Variants in RXFP2 observed in about 807,000 individuals in gnomAD.
RXFP2 encodes relaxin receptor 2.
Under a neutral mutation model 88.6 loss-of-function variants are expected in RXFP2, and 68 were observed. That is an observed-to-expected ratio of 0.77 (90% CI 0.63 to 0.94). The LOEUF is 0.94. RXFP2 is among the 40% of genes least tolerant of loss of function. The pLI is 0.00. For missense variants in RXFP2, 791 were observed against 893.9 expected, an observed-to-expected ratio of 0.88 and a Z score of 1.47; for synonymous variants, 329 against 306.8, an observed-to-expected ratio of 1.07 and a Z score of -0.76.
chr13:31,771,610 G>A (rs758177220), intron 5 of RXFP2, among the ~76,000 whole-genome samples: 7 of 151,860 alleles, frequency 4.6e-5, no homozygotes, highest in South Asian at 2.1e-4. Context: ...GGCCAACATC[G>A]TGAATGTCTC....
Position 31,803,008 on chromosome 13 carries a change from T to C in RXFP2, c.*603T>C, listed in dbSNP as rs1874429189. 1 of 152,748 alleles carries C rather than the reference T, an allele frequency of 6.5e-6. No individual in the cohort carries two copies. The highest frequency in any genetic ancestry group is 1.5e-5 in the Non-Finnish European group (1 of 68,438). 9.5% of individuals were successfully genotyped at this position (152,748 alleles called of 1,614,324 possible). On this transcript the variant is annotated 3_prime_UTR_variant, in exon 18 of 18. Transcript: ENST00000298386. ...ACCAGAGAGTCACACTGATGAAGCC[T>C]CATACCATTTGCCTTTTGGATTTTA...
rs566589515 is a variant in RXFP2, at chr13:31,792,682, T to C, written c.1380T>C (p.Ala460=). 8 of 1,614,106 alleles carry C rather than the reference T, an allele frequency of 5.0e-6. No homozygotes were observed. The Admixed American group carries it at 5.0e-5, about 10-fold the overall frequency. ...HAMSIKILCC[A]DCLMGVYLFF... Reference sequence around the variant, plus strand: ...ACTGTTTCAATTCTTCCACAGGTGCTGATTGCCTGATGGGTGTTTACTTGT... The same window carrying C: ...ACTGTTTCAATTCTTCCACAGGTGCCGATTGCCTGATGGGTGTTTACTTGT... Residue 460 remains alanine (A), a synonymous_variant, in exon 16 of 18, where the codon GCT becomes GCC. Transcript: ENST00000298386.
chr13:31,802,299 A>G lies in RXFP2; in HGVS notation c.2159A>G (p.Lys720Arg). 1 of 1,613,756 alleles carries G rather than the reference A, an allele frequency of 6.2e-7. No homozygotes were observed. The highest frequency in any genetic ancestry group is 8.5e-7 in the Non-Finnish European group (1 of 1,179,830). Residue 720 changes from lysine (K) to arginine (R), a missense_variant, in exon 18 of 18, where the codon AAA becomes AGA. By Grantham distance (26) the Lys-to-Arg change is conservative. Coordinates refer to ENST00000298386, the MANE Select transcript of RXFP2 (RefSeq NM_130806.5). Reference sequence around the variant, plus strand: ...AAATCAATTTTCAAAATTAAAAAAAAAAGTTTATCTACATCCATTGTGTGG... The same window carrying G: ...AAATCAATTTTCAAAATTAAAAAAAGAAGTTTATCTACATCCATTGTGTGG... ...QRKSIFKIKK[K>R]SLSTSIVWIE...
At chr13:31,741,379 A>T (rs1049625253) in intron 1 of RXFP2, among the ~76,000 whole-genome samples, 2 of 152,108 alleles carry the variant, frequency 1.3e-5, no homozygotes, top group Non-Finnish European at 2.9e-5. Context: ...AGACACATTA[A>T]TCAATGCTTT....
chr13:31,756,759 C>CTGCA, intron 1 of RXFP2, among the ~76,000 whole-genome samples: 1 of 151,880 alleles, frequency 6.6e-6, no homozygotes, highest in African/African-American at 2.4e-5. Flanking sequence ...GTAGCTAGGA[C>CTGCA]TGCAGCACGT....
Position 31,739,592 on chromosome 13 carries a change from T to C in RXFP2, c.-21T>C. 1 of 1,487,764 alleles carries C rather than the reference T, an allele frequency of 6.7e-7. No homozygotes were observed. Among genetic ancestry groups the C allele is most frequent in the Non-Finnish European group, 9.4e-7 (1 of 1,065,070 alleles). 92.2% of individuals were successfully genotyped at this position (1,487,764 alleles called of 1,614,324 possible). A position where few individuals can be genotyped will look rare whatever the true frequency, so the allele number is the denominator to read the frequency against. On this transcript the variant is annotated 5_prime_UTR_variant, in exon 1 of 18. Transcript: ENST00000298386. ...CTGAGGTATAAGAGGATACGTCTAA[T>C]AACTCAATTGCTGTAAACCTATGAT...
At chr13:31,753,020 C>A (rs1364888080) in intron 1 of RXFP2, among the ~76,000 whole-genome samples, 1 of 152,150 alleles carries the variant, frequency 6.6e-6, no homozygotes, top group African/African-American at 2.4e-5. Flanking sequence ...CCTTGGTGAC[C>A]AGGTCGTCTG....
At chr13:31,776,194 CT>C (rs1220704102) in intron 7 of RXFP2, among the ~76,000 whole-genome samples, 1 of 130,684 alleles carries the variant, frequency 7.7e-6, no homozygotes, top group Non-Finnish European at 1.6e-5. Flanking sequence ...CTCTTTCTTT[CT>C]TTTTTCTTTC....
Position 31,750,085 on chromosome 13 carries a change from T to A in RXFP2, c.95-8173T>A, listed in dbSNP as rs559679954. 5.1e-4 allele frequency among the ~76,000 whole-genome samples: 77 copies of A among 152,316 alleles called. 1 individual carries two copies. Among genetic ancestry groups the A allele is most frequent in the Non-Finnish European group, 6.8e-4 (46 of 68,016 alleles). On this transcript the variant is annotated intron_variant, in intron 1 of 17. Transcript: ENST00000298386. ...GCAGTTCCATCTCTGGAGCCTCTCA[T>A]AAACGGAGTTAAAAACAAGTGACAA...
At chr13:31,784,155 G>C (rs1046750368) in intron 11 of RXFP2, among the ~76,000 whole-genome samples, 1 of 151,674 alleles carries the variant, frequency 6.6e-6, no homozygotes, top group African/African-American at 2.4e-5. Flanking sequence ...ATAAACTTAA[G>C]GAAACAGTGG....
intron 7 of RXFP2, among the ~76,000 whole-genome samples, chr13:31,776,543 G>C (rs752737590): frequency 6.6e-6 from 1 of 152,044 alleles, no homozygotes; most frequent in African/African-American, 2.4e-5. Flanking sequence ...ACAGGCAAGA[G>C]CCACCACGCC....
At position 31,776,106 on chromosome 13, in the gene RXFP2, C is replaced by CTTTCTT. The variant is rs1566227863; in HGVS notation, c.641+719_641+724dup. 2.1e-3 allele frequency among the ~76,000 whole-genome samples: 246 copies of CTTTCTT among 119,616 alleles called. 1 individual carries two copies. The highest frequency in any genetic ancestry group is 8.1e-3 in the African/African-American group (241 of 29,640). 78.5% of individuals were successfully genotyped at this position (119,616 alleles called of 152,430 possible). On this transcript the variant is annotated intron_variant, in intron 7 of 17. Coordinates refer to ENST00000298386, the MANE Select transcript of RXFP2 (RefSeq NM_130806.5). Reference sequence around the variant, plus strand: ...CTTCCTTCTTTCTTTCTTTTCTTTTCTTTCTTTCTTTCTTTCTTTCTTTCT... The same window carrying CTTTCTT: ...CTTCCTTCTTTCTTTCTTTTCTTTTCTTTCTTTTTCTTTCTTTCTTTCTTTCTTTCT...
rs776535132 is a variant in RXFP2, at chr13:31,796,038, C to CTTT, written c.1787-1136_1787-1134dup. On this transcript the variant is annotated intron_variant, in intron 16 of 17. Coordinates refer to ENST00000298386, the MANE Select transcript of RXFP2 (RefSeq NM_130806.5). ...ATACATTTTTGTTCTATGTGTTATT[C>CTTT]TTTTTTTTTTTTTTTTTTTTTTTTT... 5.9e-4 allele frequency among the ~76,000 whole-genome samples: 22 copies of CTTT among 36,984 alleles called. 3 individuals are homozygous for CTTT. Among genetic ancestry groups the CTTT allele is most frequent in the East Asian group, 1.1e-3 (1 of 924 alleles). The allele number at this position is 36,984 out of a possible 152,430, so 24.3% of individuals were successfully genotyped here.
chr13:31,794,840 C>T (rs991242079), intron 16 of RXFP2, among the ~76,000 whole-genome samples: 11 of 151,582 alleles, frequency 7.3e-5, no homozygotes, highest in African/African-American at 1.9e-4. Context: ...GAGCTCGGCC[C>T]AAAGGAGTTA....
intron 16 of RXFP2, among the ~76,000 whole-genome samples, chr13:31,794,558 CA>C (rs770649658): frequency 2.0e-4 from 30 of 152,264 alleles, no homozygotes; most frequent in Non-Finnish European, 3.4e-4. Flanking sequence ...AACATGTCCT[CA>C]CATCACACAC....
chr13:31,792,019 C>T lies in RXFP2; in HGVS notation c.1359C>T (p.Ser453=). 1 of 1,611,336 alleles carries T rather than the reference C, an allele frequency of 6.2e-7. No homozygotes were observed. Among genetic ancestry groups the T allele is most frequent in the Non-Finnish European group, 8.5e-7 (1 of 1,177,520 alleles). The change falls in exon 15 of 18, where the codon TCC becomes TCT. Residue 453 remains serine, a synonymous_variant. Transcript: ENST00000298386. ...IKAENTTHAM[S]IKILCCADCL... is the part of the protein sequence containing the mutation. ...CTGAAAATACAACTCACGCTATGTC[C>T]ATCAAAATCCTTTGTTGTAAGTATG...
At position 31,792,851 on chromosome 13, in the gene RXFP2, A is replaced by G. The variant is rs779844058; in HGVS notation, c.1549A>G (p.Thr517Ala). 6.2e-7 allele frequency: 1 copy of G among 1,614,068 alleles called. No homozygotes were observed. The highest frequency in any genetic ancestry group is 1.7e-5 in the Admixed American group (1 of 59,986). Reference sequence around the variant, plus strand: ...CTCTGTTCTGCTACTGACCTACTTGACTTTGGAGAAGTTCCTGGTCATTGT... The same window carrying G: ...CTCTGTTCTGCTACTGACCTACTTGGCTTTGGAGAAGTTCCTGGTCATTGT... ...EVSVLLLTYL[T>A]LEKFLVIVFP... Residue 517 changes from threonine (T) to alanine (A), a missense_variant, in exon 16 of 18, where the codon ACT becomes GCT. Transcript: ENST00000298386.
intron 9 of RXFP2, among the ~76,000 whole-genome samples, chr13:31,780,032 G>A (rs1293039247): frequency 6.6e-6 from 1 of 152,152 alleles, no homozygotes; most frequent in Admixed American, 6.5e-5. Flanking sequence ...ACAGGAAAGA[G>A]TAAAGGTAGC....
In RXFP2 at chr13:31,798,774, C is replaced by A. The variant is rs115409478; in HGVS notation, c.2005+1355C>A. Among the ~76,000 whole-genome samples, 673 of 152,252 alleles carry A rather than the reference C, an allele frequency of 4.4e-3. 4 individuals are homozygous for A. The highest frequency in any genetic ancestry group is 0.016 in the African/African-American group (659 of 41,548). ...CTATGCTTTTCTGAGAAGACACCAG[C>A]CTTTCCTGAAGCTGTCCCCCCAACC... On this transcript the variant is annotated intron_variant, in intron 17 of 17. Coordinates refer to ENST00000298386, the MANE Select transcript of RXFP2 (RefSeq NM_130806.5).
Sources: allele counts gnomAD v4.1 joint callset (sites outside exome capture counted in the v4.1 genomes callset), GRCh38; gene constraint gnomAD v4.1.1; transcripts MANE v1.5; gene names NCBI Gene and HGNC (gene_info 2026-07-23, HGNC 2026-07-21).